Variants in WDR20 observed in about 807,000 individuals in gnomAD.
WDR20 encodes the protein WD repeat-containing protein 20.
WDR20 carries 3 observed loss-of-function variants against 38.7 expected under a neutral mutation model. The ratio of observed to expected loss-of-function variants is 0.08; its 90% CI spans 0.04 to 0.20. WDR20 has a LOEUF of 0.20. Among genes scored for constraint, WDR20 ranks in the 10% least tolerant of loss-of-function variants. The pLI is 1.00. For missense variants in WDR20, 559 were observed against 727.7 expected (o/e 0.77, Z 2.67); for synonymous variants, 298 against 285.6 (o/e 1.04, Z -0.44).
rs1363661932 is a variant in WDR20, at chr14:102,197,957, C to T, written c.432+2837C>T. Reference sequence around the variant, plus strand: ...GGTCTGCAGCAGTGGGCAAAACCTGCCCTCCTGTGACCCCTCTCAGGAGGG... The same window carrying T: ...GGTCTGCAGCAGTGGGCAAAACCTGTCCTCCTGTGACCCCTCTCAGGAGGG... On this transcript the variant is annotated intron_variant, in intron 2 of 2. Coordinates refer to ENST00000342702, the MANE Select transcript of WDR20 (RefSeq NM_144574.4). The T allele has an allele frequency of 6.8e-6, 4 of 587,538 alleles. No homozygotes were observed. In the Admixed American group the frequency reaches 8.2e-5, roughly 12 times the overall value. 36.4% of individuals were successfully genotyped at this position (587,538 alleles called of 1,614,324 possible).
Position 102,221,649 on chromosome 14 carries a change from C to A in WDR20, c.1693-1181C>A, listed in dbSNP as rs1341147363. On this transcript the variant is annotated intron_variant, in intron 3 of 3. Transcript: ENST00000335263. The surrounding 1 kb of genome is among the most constrained non-coding windows in gnomAD (Gnocchi z 4.8). ...TGAGCTTGTCTAGGTGAACAGATTT[C>A]AGGTGGAAGGTAAGAAACGGGATGA... Among the ~76,000 whole-genome samples, 1 of 152,178 alleles carries A rather than the reference C, an allele frequency of 6.6e-6. No individual in the cohort carries two copies.
At chr14:102,164,403 A>G (rs562994296) in intron 1 of WDR20, among the ~76,000 whole-genome samples, 3 of 152,146 alleles carry the variant, frequency 2.0e-5, no homozygotes, top group South Asian at 4.2e-4. Context: ...CCACCCTACT[A>G]ATCTCCTCTA....
downstream of WDR20, among the ~76,000 whole-genome samples, chr14:102,211,458 GC>G (rs1218214627): frequency 1.3e-5 from 2 of 152,030 alleles, no homozygotes; most frequent in East Asian, 3.9e-4. The surrounding 1 kb of genome is among the most constrained non-coding windows in gnomAD (Gnocchi z 4.2). Context: ...TCCACCCTGT[GC>G]CCATCGTGGG....
At chr14:102,144,579 T>C (rs905860210) in intron 1 of WDR20, among the ~76,000 whole-genome samples, 3 of 152,098 alleles carry the variant, frequency 2.0e-5, no homozygotes, top group Non-Finnish European at 4.4e-5. Flanking sequence ...TTTATGGACA[T>C]CTGTTTTTAC....
rs1303860975 is a variant in WDR20 at position 102,195,034 on chromosome 14, G to C, written c.346G>C (p.Val116Leu). 1 of 1,614,190 alleles carries C rather than the reference G, an allele frequency of 6.2e-7. No homozygotes were observed. Among genetic ancestry groups the C allele is most frequent in the Non-Finnish European group, 8.5e-7 (1 of 1,180,030 alleles). ...CCACCTAACAGCCACAGCAGAAAGT[G>C]TCTCTCTCCTAGTGGGCTTTTCCGC... ...FNHLTATAESVSLLVGFSAGQ... is the reference protein window; with the variant it reads ...FNHLTATAESLSLLVGFSAGQ... The change falls in exon 2 of 3, where the codon GTC (valine) becomes CTC (leucine). Residue 116 changes from valine (V) to leucine (L), a missense_variant. Physicochemically the swap from Val to Leu is conservative, Grantham distance 32. Transcript: ENST00000342702.
chr14:102,202,172 C>G (rs2060518399), intron 2 of WDR20, among the ~76,000 whole-genome samples: 1 of 151,856 alleles, frequency 6.6e-6, no homozygotes, highest in Non-Finnish European at 1.5e-5. Flanking sequence ...CCTGTGCTCT[C>G]TCCTAAGGAC....
rs1484348304 is a variant in WDR20, at chr14:102,207,421, C to G, written c.433-1182C>G. Among the ~76,000 whole-genome samples, 1 of 152,264 alleles carries G rather than the reference C, an allele frequency of 6.6e-6. No individual in the cohort carries two copies. The highest frequency in any genetic ancestry group is 2.4e-5 in the African/African-American group (1 of 41,464). On this transcript the variant is annotated intron_variant, in intron 2 of 2. Coordinates refer to ENST00000342702, the MANE Select transcript of WDR20 (RefSeq NM_144574.4). The surrounding 1 kb of genome is among the most constrained non-coding windows in gnomAD (Gnocchi z 5.0). ...GCACATGGCCTCAAAGCCACCCTGG[C>G]AGAAGTCGGCATGTTTCTTGGCAGA...
At chr14:102,218,000 C>T (rs35292561), downstream of WDR20, among the ~76,000 whole-genome samples, 9,714 of 152,256 alleles carry the variant, frequency 0.064, 336 homozygotes, top group Non-Finnish European at 0.073. Context: ...CTCTGGGGGA[C>T]GCCAGTGGAG....
chr14:102,194,552 G>A (rs570657887), intron 1 of WDR20, among the ~76,000 whole-genome samples: 2 of 152,312 alleles, frequency 1.3e-5, no homozygotes, highest in East Asian at 3.9e-4. Flanking sequence ...GCATGTAGGT[G>A]CTGTAGATAC....
At chr14:102,161,234 T>A (rs549941228) in intron 1 of WDR20, among the ~76,000 whole-genome samples, 35 of 132,714 alleles carry the variant, frequency 2.6e-4, no homozygotes, top group Non-Finnish European at 4.8e-4. Flanking sequence ...CACTGCAACC[T>A]CCGCCTCCCG....
rs748233114 is a variant in WDR20, at chr14:102,209,240, C to T, written c.1070C>T (p.Ser357Phe). The T allele has an allele frequency of 1.2e-5, 19 of 1,614,196 alleles. No homozygotes were observed. Among genetic ancestry groups the T allele is most frequent in the Non-Finnish European group, 1.5e-5 (18 of 1,180,036 alleles). ...CAGTCCAGGCTCTCCAAACGGAACTCTACAGACAGCCGCCCCGTAAGTGTC... is the reference window on the plus strand; with the variant it reads ...CAGTCCAGGCTCTCCAAACGGAACTTTACAGACAGCCGCCCCGTAAGTGTC... ...STQSRLSKRN[S>F]TDSRPVSVTY... Residue 357 changes from serine (S) to phenylalanine (F), a missense_variant, in exon 3 of 3, where the codon TCT (serine) becomes TTT (phenylalanine). Physicochemically the swap from Ser to Phe is radical, Grantham distance 155. Coordinates refer to ENST00000342702, the MANE Select transcript of WDR20 (RefSeq NM_144574.4). The surrounding 1 kb of genome is among the most constrained non-coding windows in gnomAD (Gnocchi z 6.0).
intron 2 of WDR20, chr14:102,197,949 A>G: frequency 1.7e-6 from 1 of 598,898 alleles, no homozygotes; most frequent in South Asian, 2.0e-5. Context: ...AGCAGTGGGC[A>G]AAACCTGCCC....
At chr14:102,141,345 A>G in intron 1 of WDR20, among the ~76,000 whole-genome samples, 1 of 152,238 alleles carries the variant, frequency 6.6e-6, no homozygotes, top group East Asian at 1.9e-4. Flanking sequence ...TACAAGAGCT[A>G]GGGAAATGAC....
chr14:102,149,045 C>T (rs911634990), intron 1 of WDR20, among the ~76,000 whole-genome samples: 1 of 151,980 alleles, frequency 6.6e-6, no homozygotes, highest in Non-Finnish European at 1.5e-5. Flanking sequence ...TGCCTGTAGT[C>T]GCAGCTACTC....
intron 2 of WDR20, among the ~76,000 whole-genome samples, chr14:102,200,827 C>A (rs568263984): frequency 2.4e-4 from 36 of 152,324 alleles, no homozygotes; most frequent in African/African-American, 1.4e-4. Context: ...GGTCCCACGT[C>A]TCCTTGTGGC....
intron 2 of WDR20, among the ~76,000 whole-genome samples, chr14:102,206,009 G>A (rs908084904): frequency 6.6e-6 from 1 of 152,112 alleles, no homozygotes; most frequent in African/African-American, 2.4e-5. Context: ...TTGAGATGGA[G>A]TCTGACTTTG....
downstream of WDR20, among the ~76,000 whole-genome samples, chr14:102,216,325 T>C (rs1457691263): frequency 1.3e-5 from 2 of 152,152 alleles, no homozygotes; most frequent in Non-Finnish European, 2.9e-5. Flanking sequence ...TTGGTTTGTG[T>C]TTTTTGAGAC....
chr14:102,172,077 G>C (rs906107412), intron 1 of WDR20, among the ~76,000 whole-genome samples: 2 of 151,310 alleles, frequency 1.3e-5, no homozygotes, highest in Non-Finnish European at 3.0e-5. Context: ...TTGTGTCCCT[G>C]GGTACTTGAG....
chr14:102,142,542 C>T (rs1163465297), intron 1 of WDR20, among the ~76,000 whole-genome samples: 4 of 152,100 alleles, frequency 2.6e-5, no homozygotes, highest in Admixed American at 6.6e-5. Flanking sequence ...CAGCCTCAAA[C>T]TCCTGGGCTC....
Sources: gnomAD v4.1 joint callset for allele counts (sites outside exome capture counted in the v4.1 genomes callset) on GRCh38, gnomAD v4.1.1 for gene constraint, Gnocchi (gnomAD v3.1) non-coding constraint, MANE v1.5 for transcripts, NCBI Gene and HGNC (gene_info 2026-07-23, HGNC 2026-07-21) for gene names.